TRHDE: variants seen among roughly 807,000 people sequenced by gnomAD.
The protein encoded by TRHDE is thyrotropin-releasing hormone-degrading ectoenzyme.
A neutral mutation model predicts 125.7 loss-of-function variants in TRHDE; 72 were observed. That is an observed-to-expected ratio of 0.57 (90% CI 0.47 to 0.70). The LOEUF (loss-of-function observed/expected upper bound fraction) is 0.70. TRHDE is among the 30% of genes least tolerant of loss of function. TRHDE has a pLI of 0.00. For missense variants in TRHDE, 1,110 were observed against 1,327.1 expected (o/e 0.84, Z 2.54); for synonymous variants, 509 against 509.1 (o/e 1.00, Z 0.00).
At chr12:72,405,681 G>A (rs980855148) in intron 3 of TRHDE, among the ~76,000 whole-genome samples, 10 of 152,192 alleles carry the variant, frequency 6.6e-5, no homozygotes, top group Non-Finnish European at 1.5e-4. Context: ...TATGTAGATT[G>A]ATTTAAAGCC....
intron 15 of TRHDE, among the ~76,000 whole-genome samples, chr12:72,644,920 G>A (rs577016942): frequency 6.6e-6 from 1 of 152,298 alleles, no homozygotes; most frequent in African/African-American, 2.4e-5. Context: ...TCAGCACAGA[G>A]CAAGCAGACA....
intron 2 of TRHDE, chr12:72,147,703 A>G (rs1876261882): frequency 6.6e-6 from 1 of 152,248 alleles, no homozygotes; most frequent in Non-Finnish European, 1.5e-5. Flanking sequence ...ATTGAAGGTC[A>G]TGGTAAATCT....
chr12:72,230,918 G>A (rs1306531141), intron 2 of TRHDE, among the ~76,000 whole-genome samples: 6 of 152,038 alleles, frequency 3.9e-5, no homozygotes, highest in Non-Finnish European at 7.4e-5. Context: ...GTTTTCATTC[G>A]CTGTGTAGAA....
intron 5 of TRHDE, among the ~76,000 whole-genome samples, chr12:72,474,633 G>A (rs983287893): frequency 9.2e-5 from 14 of 152,100 alleles, no homozygotes; most frequent in Admixed American, 4.6e-4. Context: ...TCTCTTGCGT[G>A]TATACACCAC....
At chr12:72,561,341 A>C (rs2136009556) in intron 7 of TRHDE, among the ~76,000 whole-genome samples, 1 of 152,272 alleles carries the variant, frequency 6.6e-6, no homozygotes, top group South Asian at 2.1e-4. Context: ...TATGTTGCAG[A>C]GATAATGGAA....
intron 12 of TRHDE, among the ~76,000 whole-genome samples, chr12:72,618,512 T>C (rs377674299): frequency 9.2e-5 from 14 of 152,244 alleles, no homozygotes; most frequent in Non-Finnish European, 1.3e-4. Flanking sequence ...AAATGACAAG[T>C]AAAGACAATA....
chr12:72,466,278 C>T (rs770400510), intron 3 of TRHDE, among the ~76,000 whole-genome samples: 1 of 152,148 alleles, frequency 6.6e-6, no homozygotes, highest in East Asian at 1.9e-4. Flanking sequence ...GAGTCTTCTT[C>T]CTGTGCTATT....
chr12:72,564,119 A>C (rs1968964), intron 9 of TRHDE, among the ~76,000 whole-genome samples: 40,407 of 151,872 alleles, frequency 0.27, 8,103 homozygotes, highest in African/African-American at 0.54. Context: ...AGTGTCTTCT[A>C]TCTCTCTCTC....
chr12:72,498,251 A>G (rs1390844781), intron 5 of TRHDE, among the ~76,000 whole-genome samples: 3 of 152,216 alleles, frequency 2.0e-5, no homozygotes, highest in African/African-American at 7.2e-5. Flanking sequence ...GAGTATGAAA[A>G]AAATCTTTCT....
intron 12 of TRHDE, among the ~76,000 whole-genome samples, chr12:72,575,901 A>G (rs1024457645): frequency 6.6e-6 from 1 of 152,132 alleles, no homozygotes. Flanking sequence ...CCTGATGTAT[A>G]CTAGTATATC....
chr12:72,113,806 G>A (rs1875379011), intron 2 of TRHDE, among the ~76,000 whole-genome samples: 1 of 151,878 alleles, frequency 6.6e-6, no homozygotes, highest in Admixed American at 6.6e-5. Context: ...TATGGTATTG[G>A]GAAGAATAAA....
At chr12:72,155,406 T>A (rs1345779791) in intron 2 of TRHDE, among the ~76,000 whole-genome samples, 1 of 152,224 alleles carries the variant, frequency 6.6e-6, no homozygotes. Flanking sequence ...TCAGTCATTC[T>A]CCATCCTGCT....
intron 2 of TRHDE, among the ~76,000 whole-genome samples, chr12:72,363,163 A>T (rs1236140917): frequency 1.3e-5 from 2 of 151,560 alleles, no homozygotes; most frequent in African/African-American, 2.4e-5. Context: ...GGCAGTATGG[A>T]TGGATTCACA....
intron 2 of TRHDE, among the ~76,000 whole-genome samples, chr12:72,206,669 T>C (rs1217903416): frequency 6.6e-6 from 1 of 152,166 alleles, no homozygotes; most frequent in East Asian, 1.9e-4. Flanking sequence ...TTCATTATTA[T>C]CCCTTTTCCC....
chr12:72,655,153 G>C (rs1159757036), intron 17 of TRHDE, among the ~76,000 whole-genome samples: 1 of 151,998 alleles, frequency 6.6e-6, no homozygotes, highest in Admixed American at 6.6e-5. Context: ...GCTCTTTGCA[G>C]CCTTGACCTC....
At chr12:72,120,917 G>A (rs57041341) in intron 2 of TRHDE, among the ~76,000 whole-genome samples, 11,525 of 151,750 alleles carry the variant, frequency 0.076, 762 homozygotes, top group African/African-American at 0.17. Context: ...TGATCTCGTG[G>A]TCTGCCCCAC....
intron 12 of TRHDE, among the ~76,000 whole-genome samples, chr12:72,587,815 T>C (rs925102997): frequency 3.3e-5 from 5 of 152,184 alleles, no homozygotes; most frequent in African/African-American, 1.2e-4. Flanking sequence ...ACTTCAAAGA[T>C]ATGGTAAACT....
At chr12:72,530,697 G>T (rs1868507869) in intron 6 of TRHDE, among the ~76,000 whole-genome samples, 1 of 150,450 alleles carries the variant, frequency 6.6e-6, no homozygotes, top group East Asian at 2.0e-4. Flanking sequence ...CATCAACATG[G>T]CTTGCTTCTT....
intron 2 of TRHDE, among the ~76,000 whole-genome samples, chr12:72,125,037 C>G (rs1266093409): frequency 6.6e-6 from 1 of 152,020 alleles, no homozygotes; most frequent in Non-Finnish European, 1.5e-5. Context: ...TATGATATAT[C>G]CTTGTTTCCT....
Sources: allele counts gnomAD v4.1 joint callset (sites outside exome capture counted in the v4.1 genomes callset), GRCh38; gene constraint gnomAD v4.1.1; transcripts MANE v1.5; gene names NCBI Gene and HGNC (gene_info 2026-07-23, HGNC 2026-07-21).